LCA5: variants seen among roughly 807,000 people sequenced by gnomAD.
LCA5 encodes lebercilin.
Under a neutral mutation model 53.0 loss-of-function variants are expected in LCA5, and 37 were observed. The ratio of observed to expected loss-of-function variants is 0.70; its 90% CI spans 0.54 to 0.92. The LOEUF (loss-of-function observed/expected upper bound fraction) is 0.92. Ranked by LOEUF, LCA5 falls within the 40% of genes least tolerant of loss-of-function variation. The probability of loss-of-function intolerance (pLI) is 0.00; values close to 1 mark genes in which losing one functional copy is unlikely to be tolerated. For synonymous variants in LCA5, 303 were observed against 282.9 expected, an observed-to-expected ratio of 1.07 and a Z score of -0.71; for missense variants, 806 against 790.5, an observed-to-expected ratio of 1.02 and a Z score of -0.23.
intron 3 of LCA5, among the ~76,000 whole-genome samples, chr6:79,511,368 A>T (rs1234971454): frequency 6.6e-6 from 1 of 152,186 alleles, no homozygotes. Flanking sequence ...GCTAATGTCA[A>T]AAGGTTAGAT....
At chr6:79,532,421 T>C (rs1381527939) in intron 1 of LCA5, among the ~76,000 whole-genome samples, 1 of 152,170 alleles carries the variant, frequency 6.6e-6, no homozygotes, top group Non-Finnish European at 1.5e-5. Context: ...TATACTTCAA[T>C]GGTCTCCTAT....
chr6:79,531,138 T>C (rs1766948061), intron 1 of LCA5, among the ~76,000 whole-genome samples: 1 of 152,182 alleles, frequency 6.6e-6, no homozygotes. Context: ...TTTCTGACTC[T>C]TCGTTGAGTG....
At chr6:79,516,125 GT>G (rs554262381) in intron 2 of LCA5, among the ~76,000 whole-genome samples, 2,669 of 146,466 alleles carry the variant, frequency 0.018, 34 homozygotes, top group Non-Finnish European at 0.027. Context: ...AATTTCATTT[GT>G]TTTTTTTTTA....
chr6:79,521,392 T>G (rs566020382), intron 1 of LCA5, among the ~76,000 whole-genome samples: 16 of 152,192 alleles, frequency 1.1e-4, no homozygotes, highest in Non-Finnish European at 2.1e-4. Flanking sequence ...TAACTTGACT[T>G]TATATTCCTA....
At chr6:79,502,615 CT>C (rs895702551) in intron 3 of LCA5, among the ~76,000 whole-genome samples, 13 of 152,032 alleles carry the variant, frequency 8.6e-5, no homozygotes, top group African/African-American at 3.1e-4. Context: ...CAATTAGTAT[CT>C]TTTACAGTTT....
intron 3 of LCA5, among the ~76,000 whole-genome samples, chr6:79,503,091 A>G (rs1382966717): frequency 6.6e-6 from 1 of 152,142 alleles, no homozygotes; most frequent in Admixed American, 6.6e-5. Flanking sequence ...CATGTTGGCT[A>G]GGCTGGTCTT....
intron 6 of LCA5, 23 bp from the exon 7 acceptor site, chr6:79,489,239 C>G (rs755213269): frequency 1.1e-5 from 18 of 1,607,190 alleles, no homozygotes; most frequent in African/African-American, 5.3e-5. Context: ...AAAAAAAATG[C>G]AAGTTCACAA....
chr6:79,493,426 GTTT>G (rs1197557902), intron 4 of LCA5, among the ~76,000 whole-genome samples, 184 bp downstream of exon 4: 1 of 151,734 alleles, frequency 6.6e-6, no homozygotes, highest in African/African-American at 2.4e-5. Context: ...TTTTGTTTTT[GTTT>G]TTAATTTCAC....
Position 79,513,308 on chromosome 6 carries a change from C to A in LCA5, c.624G>T (p.Glu208Asp). 6.2e-7 allele frequency: 1 copy of A among 1,613,766 alleles called. No homozygotes were observed. Residue 208 changes from glutamate to aspartate, a missense_variant, in exon 3 of 8, where the codon GAG becomes GAT. Transcript: ENST00000369846. ...CAGGTAGGTGTCTAGCTTCAGAGAT[C>A]TCTTTCAGTTTCTGTAAGGAAAATT... ...RTKFSLQKLK[E>D]ISEARHLPER...
intron 3 of LCA5, among the ~76,000 whole-genome samples, chr6:79,506,493 C>T (rs182649429): frequency 4.6e-5 from 7 of 152,242 alleles, no homozygotes; most frequent in Admixed American, 3.3e-4. Context: ...GAATACAACC[C>T]CAACAGTAAG....
intron 1 of LCA5, among the ~76,000 whole-genome samples, chr6:79,528,596 T>C (rs1344372857): frequency 6.6e-6 from 1 of 152,174 alleles, no homozygotes; most frequent in East Asian, 1.9e-4. Context: ...GTTAACTCAA[T>C]AGGAGTCCCT....
At chr6:79,507,145 TA>T (rs1181546849) in intron 3 of LCA5, among the ~76,000 whole-genome samples, 2 of 152,182 alleles carry the variant, frequency 1.3e-5, no homozygotes, top group African/African-American at 4.8e-5. Flanking sequence ...AATCACAACA[TA>T]ATGCAACAGA....
In LCA5 at chr6:79,493,641, T is replaced by C; in HGVS notation, c.830A>G (p.Glu277Gly). The C allele has an allele frequency of 2.5e-6, 4 of 1,613,616 alleles. No individual in the cohort carries two copies. The highest frequency in any genetic ancestry group is 3.4e-6 in the Non-Finnish European group (4 of 1,179,604). The change falls in exon 4 of 8, where the codon GAG (glutamate) becomes GGG (glycine). Residue 277 changes from glutamate (E) to glycine (G), a missense_variant. Transcript: ENST00000369846. ...TAATTTGTGATATAGTCGCTGTACC[T>C]CCTTTTGAAGAACTTTATTTTCATC... ...AHDENKVLQK[E>G]VQRLYHKLKE...
chr6:79,525,970 G>A (rs1350014913), intron 1 of LCA5, among the ~76,000 whole-genome samples: 1 of 152,196 alleles, frequency 6.6e-6, no homozygotes, highest in South Asian at 2.1e-4. Flanking sequence ...GCAATACTTA[G>A]GAATTATGGG....
At chr6:79,503,549 C>T (rs1770197905) in intron 3 of LCA5, among the ~76,000 whole-genome samples, 1 of 152,172 alleles carries the variant, frequency 6.6e-6, no homozygotes, top group South Asian at 2.1e-4. Context: ...AAGAATGCTA[C>T]CATGCTTTAA....
chr6:79,512,267 A>T (rs966180002), intron 3 of LCA5, among the ~76,000 whole-genome samples: 2 of 152,100 alleles, frequency 1.3e-5, no homozygotes, highest in Non-Finnish European at 2.9e-5. Context: ...TGGAATCTAC[A>T]TAATAGGATA....
In LCA5 at chr6:79,486,693, A is replaced by G; in HGVS notation, c.*311T>C. The G allele has an allele frequency of 4.1e-6, 1 of 242,800 alleles. No individual in the cohort carries two copies. Among genetic ancestry groups the G allele is most frequent in the Admixed American group, 5.2e-5 (1 of 19,414 alleles). 15.0% of individuals were successfully genotyped at this position (242,800 alleles called of 1,614,324 possible). ...AAAAATAAATACATAAATAGGAATA[A>G]AAGTAGAAAAGGAATACCACCTCCA... On this transcript the variant is annotated 3_prime_UTR_variant, in exon 8 of 8. Transcript: ENST00000369846.
At chr6:79,501,450 C>T (rs1038692068) in intron 3 of LCA5, among the ~76,000 whole-genome samples, 1 of 151,962 alleles carries the variant, frequency 6.6e-6, no homozygotes, top group African/African-American at 2.4e-5. Flanking sequence ...AGATAGCACT[C>T]GAAAGCACCC....
intron 3 of LCA5, among the ~76,000 whole-genome samples, chr6:79,496,894 T>C (rs552172477): frequency 6.6e-6 from 1 of 152,304 alleles, no homozygotes; most frequent in South Asian, 2.1e-4. Flanking sequence ...TTTCACTAGA[T>C]ACTTACAATA....
Sources: gnomAD v4.1 joint callset for allele counts (sites outside exome capture counted in the v4.1 genomes callset) on GRCh38, gnomAD v4.1.1 for gene constraint, MANE v1.5 for transcripts, NCBI Gene and HGNC (gene_info 2026-07-23, HGNC 2026-07-21) for gene names.